Variants in KIAA1549L observed in about 807,000 individuals in gnomAD.
KIAA1549L encodes the protein KIAA1549 like, also known as UPF0606 protein KIAA1549L.
KIAA1549L carries 88 observed loss-of-function variants against 160.7 expected under a neutral mutation model. The observed-to-expected ratio is 0.55, with a 90% confidence interval of 0.46 to 0.65. The LOEUF is 0.65. Among genes scored for constraint, KIAA1549L ranks in the 30% least tolerant of loss-of-function variants. The pLI is 0.00. For synonymous variants in KIAA1549L, 950 were observed against 976.7 expected (o/e 0.97, Z 0.51); for missense variants, 2,258 against 2,437.5 (o/e 0.93, Z 1.55).
intron 1 of KIAA1549L, among the ~76,000 whole-genome samples, chr11:33,392,198 T>C (rs1850284216): frequency 6.6e-6 from 1 of 152,220 alleles, no homozygotes; most frequent in Non-Finnish European, 1.5e-5. Context: ...TACAGTGCAG[T>C]CCTTCCCTGC....
chr11:33,562,275 C>A (rs546815496), intron 8 of KIAA1549L, among the ~76,000 whole-genome samples: 2 of 152,090 alleles, frequency 1.3e-5, no homozygotes, highest in South Asian at 2.1e-4. Flanking sequence ...CAAAAAAGTT[C>A]TTCTTTGTGT....
intron 1 of KIAA1549L, among the ~76,000 whole-genome samples, chr11:33,393,021 G>A (rs1850301077): frequency 6.6e-6 from 1 of 151,912 alleles, no homozygotes. Context: ...AACCAGCCTC[G>A]TCCTCCAGCC....
chr11:33,627,598 G>A (rs1391855985), intron 16 of KIAA1549L, among the ~76,000 whole-genome samples: 1 of 152,042 alleles, frequency 6.6e-6, no homozygotes, highest in Non-Finnish European at 1.5e-5. Context: ...GGGATCGGTG[G>A]TGATATCCCC....
At chr11:33,555,461 A>G (rs1236952219) in intron 6 of KIAA1549L, among the ~76,000 whole-genome samples, 5 of 152,242 alleles carry the variant, frequency 3.3e-5, no homozygotes, top group Non-Finnish European at 7.3e-5. Flanking sequence ...ATAAAGGCAG[A>G]CATCTAGACA....
intron 1 of KIAA1549L, among the ~76,000 whole-genome samples, chr11:33,489,168 C>G (rs1323697986): frequency 6.6e-6 from 1 of 152,184 alleles, no homozygotes; most frequent in Non-Finnish European, 1.5e-5. Context: ...GTGGCTTAAA[C>G]AACAGGAATT....
intron 1 of KIAA1549L, among the ~76,000 whole-genome samples, chr11:33,380,888 G>C (rs1247114560): frequency 6.6e-6 from 1 of 152,036 alleles, no homozygotes; most frequent in Non-Finnish European, 1.5e-5. Flanking sequence ...TTGCAGTCGA[G>C]TCTAGAACAG....
chr11:33,531,267 G>A (rs1357725838), intron 1 of KIAA1549L, among the ~76,000 whole-genome samples: 1 of 152,146 alleles, frequency 6.6e-6, no homozygotes, highest in Non-Finnish European at 1.5e-5. Flanking sequence ...GAGGTCAGGA[G>A]TTGGAGAACA....
intron 15 of KIAA1549L, among the ~76,000 whole-genome samples, chr11:33,618,109 A>G (rs77414430): frequency 0.043 from 6,501 of 152,364 alleles, 204 homozygotes; most frequent in Non-Finnish European, 0.064. Context: ...TTAACACATC[A>G]TAGAATCCTG....
intron 1 of KIAA1549L, among the ~76,000 whole-genome samples, chr11:33,459,769 G>A (rs1470341868): frequency 6.6e-6 from 1 of 150,830 alleles, no homozygotes; most frequent in Admixed American, 6.6e-5. Context: ...AGACCATCCC[G>A]GCTAAAACGG....
chr11:33,609,010 G>A lies in KIAA1549L; in HGVS notation c.5062-739G>A, dbSNP rs193127965. Among the ~76,000 whole-genome samples the A allele has an allele frequency of 3.7e-3, 561 of 152,316 alleles. 6 individuals are homozygous for A. The highest frequency in any genetic ancestry group is 0.013 in the African/African-American group (539 of 41,578). The stretch of plus-strand genomic sequence containing the variant: ...AAAAACAGAAAGTTCGGAAACGTTG[G>A]TGTGACATTCTCATCACTTGTTACT... On this transcript the variant is annotated intron_variant, in intron 14 of 20. Coordinates refer to ENST00000658780, the MANE Select transcript of KIAA1549L (RefSeq NM_012194.3).
intron 1 of KIAA1549L, among the ~76,000 whole-genome samples, chr11:33,527,342 GA>G (rs1853636753): frequency 6.6e-6 from 1 of 152,156 alleles, no homozygotes; most frequent in Admixed American, 6.5e-5. Context: ...GTAAAATGGG[GA>G]AAGGATACCT....
rs536717465 is a variant in KIAA1549L, at chr11:33,411,377, A to C, written c.238+34488A>C. On this transcript the variant is annotated intron_variant, in intron 1 of 20. Transcript: ENST00000658780. The stretch of plus-strand genomic sequence containing the variant: ...ATCCTGACTCCACCTGAGACAACTG[A>C]AGCTGATCCCTGGGGCAGCCTGCTC... Among the ~76,000 whole-genome samples the C allele has an allele frequency of 2.6e-5, 4 of 152,234 alleles. No homozygotes were observed. In the South Asian group the frequency reaches 8.3e-4, roughly 32 times the overall value.
intron 1 of KIAA1549L, among the ~76,000 whole-genome samples, chr11:33,412,777 T>G (rs536690560): frequency 6.6e-6 from 1 of 152,348 alleles, no homozygotes; most frequent in South Asian, 2.1e-4. Context: ...GTTGAAGTAT[T>G]ATGTAAACGG....
At chr11:33,530,421 AAAAAAAAAAAAAAAAATATATATATATAT>A (rs1590314497) in intron 1 of KIAA1549L, among the ~76,000 whole-genome samples, 2 of 10,326 alleles carry the variant, frequency 1.9e-4, no homozygotes, top group East Asian at 2.0e-3. Flanking sequence ...AAGGAAAAAA[AAAAAAAAAAAAAAAAATATATATATATAT>A]ATATATATAT....
At chr11:33,400,399 T>A (rs1012081093) in intron 1 of KIAA1549L, among the ~76,000 whole-genome samples, 1 of 152,178 alleles carries the variant, frequency 6.6e-6, no homozygotes, top group Non-Finnish European at 1.5e-5. Context: ...TACCCTGGGT[T>A]ACAATGGGAA....
intron 1 of KIAA1549L, among the ~76,000 whole-genome samples, chr11:33,521,377 G>GT (rs773469598): frequency 2.6e-5 from 4 of 152,180 alleles, no homozygotes; most frequent in Non-Finnish European, 4.4e-5. Context: ...TTTGGGTAAG[G>GT]TTTTTAACTT....
intron 1 of KIAA1549L, among the ~76,000 whole-genome samples, chr11:33,397,305 G>GC: frequency 7.1e-6 from 1 of 141,598 alleles, no homozygotes; most frequent in Admixed American, 7.5e-5. Flanking sequence ...TTGCACTCCA[G>GC]CCTTGGTGAT....
intron 16 of KIAA1549L, among the ~76,000 whole-genome samples, chr11:33,626,038 T>A (rs1851102497): frequency 6.6e-6 from 1 of 150,630 alleles, no homozygotes; most frequent in South Asian, 2.1e-4. Flanking sequence ...GTTGCTTGTT[T>A]TTCTCAGGTT....
chr11:33,430,041 T>TCCTCCCTGCCTTCCTC (rs1554976198), intron 1 of KIAA1549L, among the ~76,000 whole-genome samples: 1 of 140,388 alleles, frequency 7.1e-6, no homozygotes, highest in African/African-American at 2.8e-5. Context: ...CTTCCTTCCT[T>TCCTCCCTGCCTTCCTC]CCTTCCTCCC....
Sources: allele counts gnomAD v4.1 joint callset (sites outside exome capture counted in the v4.1 genomes callset), GRCh38; gene constraint gnomAD v4.1.1; transcripts MANE v1.5; gene names NCBI Gene and HGNC (gene_info 2026-07-23, HGNC 2026-07-21).